The following PWWP3B variants were observed in gnomAD, a reference collection of about 807,000 sequenced individuals.
PWWP3B encodes the protein PWWP domain containing 3B, also known as PWWP domain-containing DNA repair factor 3B.
A neutral mutation model predicts 15.7 loss-of-function variants in PWWP3B; 5 were observed. That is an observed-to-expected ratio of 0.32 (90% confidence interval 0.17 to 0.67). The LOEUF (loss-of-function observed/expected upper bound fraction) is 0.67, where lower values mean the gene tolerates loss of function less well. Among genes scored for constraint, PWWP3B ranks in the 30% least tolerant of loss-of-function variants. The pLI, the probability that PWWP3B is intolerant of heterozygous loss-of-function variation, is 0.74. For missense variants in PWWP3B, 519 were observed against 493.1 expected, an observed-to-expected ratio of 1.05 and a Z score of -0.50; for synonymous variants, 203 against 179.8, an observed-to-expected ratio of 1.13 and a Z score of -1.03.
At chrX:106,175,240 T>C (rs11092557) in intron 2 of PWWP3B, among the ~76,000 whole-genome samples, 1,475 of 86,854 alleles carry the variant, frequency 0.017, 32 homozygotes, top group African/African-American at 0.058. Context: ...TTATTTCTTT[T>C]TTTTTTTTTT....
At chrX:106,190,783 A>T (rs1005693450) in intron 2 of PWWP3B, among the ~76,000 whole-genome samples, 6 of 111,596 alleles carry the variant, frequency 5.4e-5, no homozygotes, top group Non-Finnish European at 1.1e-4. Flanking sequence ...TTTTCCCAGC[A>T]CTGTTTATTA....
chrX:106,178,063 C>T (rs933953783), intron 2 of PWWP3B, among the ~76,000 whole-genome samples: 13 of 111,901 alleles, frequency 1.2e-4, no homozygotes, highest in Non-Finnish European at 1.5e-4. Flanking sequence ...ACCACAGACA[C>T]GCTCCCATAC....
intron 2 of PWWP3B, among the ~76,000 whole-genome samples, chrX:106,184,339 A>G (rs1922380944): frequency 1.8e-5 from 2 of 111,561 alleles, no homozygotes; most frequent in Non-Finnish European, 3.8e-5. Flanking sequence ...AAGGCCTCCC[A>G]TAGCCGCTGG....
intron 2 of PWWP3B, 91 bp downstream of exon 2, chrX:106,171,230 A>G (rs770564420): frequency 3.6e-5 from 4 of 112,279 alleles, no homozygotes; most frequent in Non-Finnish European, 7.5e-5. Flanking sequence ...CCGGCTCTAC[A>G]GTCATCATAG....
chrX:106,205,667 C>G lies in PWWP3B; in HGVS notation c.235C>G (p.Pro79Ala), dbSNP rs752396438. The change falls in exon 4 of 4, where the codon CCA becomes GCA. Residue 79 changes from proline to alanine, a missense_variant. Coordinates refer to ENST00000357175, the MANE Select transcript of PWWP3B (RefSeq NM_001171020.2). ...SLGLQSEDSA[P>A]PTEETAYGRS... is the part of the protein sequence containing the mutation. ...AGGACTACAGTCAGAGGACAGTGCT[C>G]CACCTACAGAGGAAACTGCCTATGG... is the stretch of plus-strand genomic sequence containing the variant. 4.1e-5 allele frequency: 50 copies of G among 1,211,084 alleles called. No homozygotes were observed. Among genetic ancestry groups the G allele is most frequent in the Non-Finnish European group, 5.6e-5 (50 of 895,130 alleles).
At chrX:106,195,659 A>G (rs751183913) in intron 2 of PWWP3B, among the ~76,000 whole-genome samples, 11 of 111,959 alleles carry the variant, frequency 9.8e-5, no homozygotes, top group Non-Finnish European at 2.1e-4. Context: ...CTATTGATCT[A>G]TAGGTCAATC....
chrX:106,197,168 A>G (rs939999138), intron 2 of PWWP3B, among the ~76,000 whole-genome samples: 20 of 111,518 alleles, frequency 1.8e-4, no homozygotes, highest in African/African-American at 6.2e-4. Flanking sequence ...TCTGATTTGT[A>G]TATGTAGTTG....
chrX:106,189,849 C>A (rs1922796076), intron 2 of PWWP3B, among the ~76,000 whole-genome samples: 1 of 111,043 alleles, frequency 9.0e-6, no homozygotes, highest in African/African-American at 3.3e-5. Context: ...GATCTCCTGA[C>A]CTCGTGATCC....
chrX:106,196,383 CTA>C (rs1186031251), intron 2 of PWWP3B, among the ~76,000 whole-genome samples: 1 of 111,932 alleles, frequency 8.9e-6, no homozygotes, highest in African/African-American at 3.2e-5. Flanking sequence ...GAAAAGCATT[CTA>C]TGTTTTACCA....
intron 2 of PWWP3B, among the ~76,000 whole-genome samples, chrX:106,179,567 A>T (rs1437985868): frequency 9.0e-6 from 1 of 111,421 alleles, no homozygotes; most frequent in Non-Finnish European, 1.9e-5. Flanking sequence ...GATGCACTTG[A>T]CATGGGAAAT....
intron 2 of PWWP3B, among the ~76,000 whole-genome samples, chrX:106,173,827 C>T (rs764630918): frequency 4.9e-4 from 55 of 111,557 alleles, no homozygotes; most frequent in African/African-American, 1.6e-3. Context: ...CCCATGCATC[C>T]TTGCTGACTA....
chrX:106,195,114 C>T (rs933750261), intron 2 of PWWP3B, among the ~76,000 whole-genome samples: 2 of 111,964 alleles, frequency 1.8e-5, no homozygotes, highest in African/African-American at 6.5e-5. Flanking sequence ...TCCTCAATTA[C>T]TAATGCTGTT....
intron 2 of PWWP3B, among the ~76,000 whole-genome samples, chrX:106,187,101 A>G (rs1162284082): frequency 2.7e-5 from 3 of 111,151 alleles, no homozygotes; most frequent in Admixed American, 9.6e-5. Context: ...TTTTTTTTCT[A>G]TGGGTGTCTC....
intron 2 of PWWP3B, among the ~76,000 whole-genome samples, chrX:106,175,605 C>A (rs149377718): frequency 1.6e-3 from 174 of 110,751 alleles, no homozygotes; most frequent in African/African-American, 5.5e-3. Context: ...TTTGGTTCTA[C>A]CAAAGAAACA....
chrX:106,190,857 A>T (rs967246117), intron 2 of PWWP3B, among the ~76,000 whole-genome samples: 2 of 110,625 alleles, frequency 1.8e-5, no homozygotes, highest in African/African-American at 3.3e-5. Context: ...ATAGTTGTAG[A>T]TATGCGGCAT....
chrX:106,189,865 C>T (rs1475692010), intron 2 of PWWP3B, among the ~76,000 whole-genome samples: 2 of 111,766 alleles, frequency 1.8e-5, no homozygotes, highest in Non-Finnish European at 3.8e-5. Flanking sequence ...GATCCGCCTG[C>T]CTCGGCCTCC....
At chrX:106,172,357 C>A (rs1921665755) in intron 2 of PWWP3B, among the ~76,000 whole-genome samples, 1 of 110,642 alleles carries the variant, frequency 9.0e-6, no homozygotes, top group African/African-American at 3.3e-5. Context: ...TGTAATAATA[C>A]CTTAAAGCAC....
At chrX:106,195,125 G>T (rs754754048) in intron 2 of PWWP3B, among the ~76,000 whole-genome samples, 101 of 111,859 alleles carry the variant, frequency 9.0e-4, no homozygotes, top group African/African-American at 3.1e-3. Context: ...TAATGCTGTT[G>T]AGCATATTTT....
In PWWP3B at chrX:106,207,100, G is replaced by A; in HGVS notation, c.1668G>A (p.Leu556=). 1 of 1,206,746 alleles carries A rather than the reference G, an allele frequency of 8.3e-7. No individual in the cohort carries two copies. The change falls in exon 4 of 4, where the codon CTG becomes CTA. Residue 556 remains leucine, a synonymous_variant. Transcript: ENST00000357175. ...CTCGGGACCGAGCCAACAAGAACCT[G>A]GTGGACTTCATTGTGAATGCAAAGG... ...KAARDRANKN[L]VDFIVNAKGT...
Sources: allele counts gnomAD v4.1 joint callset (sites outside exome capture counted in the v4.1 genomes callset), GRCh38; gene constraint gnomAD v4.1.1; transcripts MANE v1.5; gene names NCBI Gene and HGNC (gene_info 2026-07-23, HGNC 2026-07-21).